The following KTN1 variants were observed in gnomAD, a reference collection of about 807,000 sequenced individuals.
The protein encoded by KTN1 is kinectin.
A neutral mutation model predicts 222.5 loss-of-function variants in KTN1; 130 were observed. That is an observed-to-expected ratio of 0.58 (90% CI 0.51 to 0.68). The LOEUF (loss-of-function observed/expected upper bound fraction) is 0.68. KTN1 is among the 30% of genes least tolerant of loss of function. The pLI, the probability that KTN1 is intolerant of heterozygous loss-of-function variation, is 0.00. For synonymous variants in KTN1, 512 were observed against 496.3 expected (o/e 1.03, Z -0.42); for missense variants, 1,508 against 1,500.4 (o/e 1.01, Z -0.08).
At chr14:55,667,367 T>G in intron 34 of KTN1, 37 bp downstream of exon 34, 3 of 1,266,258 alleles carry the variant, frequency 2.4e-6, no homozygotes, top group Non-Finnish European at 3.4e-6. Context: ...CATGATGACA[T>G]TATTCAAGAA....
At chr14:55,659,762 C>A in intron 31 of KTN1, 59 bp downstream of exon 31, 3 of 989,914 alleles carry the variant, frequency 3.0e-6, no homozygotes, top group South Asian at 2.7e-5. Context: ...TGTGGTAAAC[C>A]ATTCTCAAAT....
chr14:55,639,353 C>A, intron 13 of KTN1, 131 bp downstream of exon 13: 3 of 463,802 alleles, frequency 6.5e-6, no homozygotes, highest in Non-Finnish European at 7.6e-6. Flanking sequence ...AGATTTGGAG[C>A]AACTTTTGCT....
chr14:55,581,313 C>T (rs1170192830), intron 1 of KTN1, among the ~76,000 whole-genome samples: 2 of 152,212 alleles, frequency 1.3e-5, no homozygotes, highest in Admixed American at 1.3e-4. Flanking sequence ...GTAAGCTGTT[C>T]AGTGTTGGCC....
At position 55,608,782 on chromosome 14, in the gene KTN1, A is replaced by G. The variant is rs537619825; in HGVS notation, c.-30-3237A>G. Among the ~76,000 whole-genome samples the G allele has an allele frequency of 2.4e-3, 359 of 152,090 alleles. 1 individual carries two copies. Among genetic ancestry groups the G allele is most frequent in the South Asian group, 5.4e-3 (26 of 4,816 alleles). On this transcript the variant is annotated intron_variant, in intron 1 of 43. Transcript: ENST00000395314. ...GTAGCTGGGATTACAGGCGCGTACC[A>G]CCACGCCCGGCTGATTTTTGAATTT...
intron 43 of KTN1, 115 bp downstream of exon 43, chr14:55,679,800 C>G: frequency 1.9e-6 from 2 of 1,071,656 alleles, no homozygotes; most frequent in Non-Finnish European, 2.8e-6. Flanking sequence ...CTTTATCTCT[C>G]AGAACTTCCA....
chr14:55,651,814 A>ATTATAAAGAC, intron 24 of KTN1, 76 bp from the exon 25 acceptor site: 2 of 934,774 alleles, frequency 2.1e-6, no homozygotes, highest in South Asian at 3.0e-5. Context: ...AAGTGTACAC[A>ATTATAAAGAC]TTATAAAGAC....
At chr14:55,599,815 A>G (rs2035693724) in intron 1 of KTN1, among the ~76,000 whole-genome samples, 1 of 152,094 alleles carries the variant, frequency 6.6e-6, no homozygotes, top group South Asian at 2.1e-4. Context: ...GTACAATCTT[A>G]ATGGAGACTT....
intron 1 of KTN1, among the ~76,000 whole-genome samples, chr14:55,601,465 A>C (rs991983247): frequency 6.6e-6 from 1 of 152,098 alleles, no homozygotes; most frequent in Admixed American, 6.5e-5. Context: ...ATAATTGTAT[A>C]ATTGCGTTGT....
intron 1 of KTN1, among the ~76,000 whole-genome samples, chr14:55,597,985 T>G (rs1420231399): frequency 1.3e-5 from 2 of 152,144 alleles, no homozygotes; most frequent in Non-Finnish European, 2.9e-5. Context: ...TCTGTGAAAA[T>G]TTGTCCTAAT....
chr14:55,665,198 A>G (rs1037302997), intron 33 of KTN1, among the ~76,000 whole-genome samples: 6 of 152,056 alleles, frequency 3.9e-5, no homozygotes, highest in Middle Eastern at 6.8e-3. Context: ...AGTAGTTGCA[A>G]TTGTACAGTC....
At chr14:55,614,668 G>C (rs1372324074) in intron 2 of KTN1, among the ~76,000 whole-genome samples, 1 of 152,166 alleles carries the variant, frequency 6.6e-6, no homozygotes, top group African/African-American at 2.4e-5. Flanking sequence ...TTTATATGCA[G>C]CTACATTCAT....
chr14:55,608,092 A>G (rs2037007592), intron 1 of KTN1, among the ~76,000 whole-genome samples: 1 of 152,188 alleles, frequency 6.6e-6, no homozygotes, highest in Admixed American at 6.5e-5. Context: ...GGTTCTTATT[A>G]CCCAGAGCTA....
intron 24 of KTN1, among the ~76,000 whole-genome samples, chr14:55,650,899 GAAA>G: frequency 6.6e-6 from 1 of 152,176 alleles, no homozygotes; most frequent in African/African-American, 2.4e-5. Context: ...AATTACAAAT[GAAA>G]CACGAAACAG....
chr14:55,581,266 C>CCGGCTTT (rs1215887388), intron 1 of KTN1, among the ~76,000 whole-genome samples: 1 of 152,230 alleles, frequency 6.6e-6, no homozygotes, highest in Non-Finnish European at 1.5e-5. Flanking sequence ...GGCGTCCCAG[C>CCGGCTTT]CGGCCCCAGT....
rs774000802 is a variant in KTN1 at position 55,634,552 on chromosome 14, G to A, written c.1355G>A (p.Arg452His). The change falls in exon 9 of 44, where the codon CGC becomes CAC. Residue 452 changes from arginine (R) to histidine (H), a missense_variant. Arg to His is a conservative substitution (Grantham distance 29). Coordinates refer to ENST00000395314, the MANE Select transcript of KTN1 (RefSeq NM_001079521.2). ...SKQSAELNKL[R>H]QDYARLVNEL... The stretch of plus-strand genomic sequence containing the variant: ...CAGTCTGCAGAACTAAATAAACTAC[G>A]CCAGGATTATGCTAGGTTGGTGAAT... 8 of 1,613,272 alleles carry A rather than the reference G, an allele frequency of 5.0e-6. No individual in the cohort carries two copies. The highest frequency in any genetic ancestry group is 1.7e-5 in the Admixed American group (1 of 59,880).
chr14:55,639,805 G>T, intron 13 of KTN1, 108 bp from the exon 14 acceptor site: 2 of 700,902 alleles, frequency 2.9e-6, no homozygotes. Flanking sequence ...GAAATGGAAG[G>T]TATATGAGAA....
intron 31 of KTN1, among the ~76,000 whole-genome samples, chr14:55,660,271 G>A (rs563420376): frequency 1.3e-5 from 2 of 151,940 alleles, no homozygotes; most frequent in South Asian, 4.2e-4. Flanking sequence ...CCAGCTACTC[G>A]GGAGGCTGAA....
intron 43 of KTN1, chr14:55,682,069 A>G (rs763024699): frequency 3.3e-5 from 5 of 152,222 alleles, no homozygotes; most frequent in Non-Finnish European, 7.3e-5. Flanking sequence ...ATTGTTTATG[A>G]TAATGCTGCA....
chr14:55,618,435 G>GT (rs910040866), intron 4 of KTN1, among the ~76,000 whole-genome samples: 5 of 151,610 alleles, frequency 3.3e-5, no homozygotes, highest in Admixed American at 6.6e-5. Flanking sequence ...TTAATAGACT[G>GT]TTTTTTTTAG....
Sources: gnomAD v4.1 joint callset for allele counts (sites outside exome capture counted in the v4.1 genomes callset) on GRCh38, gnomAD v4.1.1 for gene constraint, MANE v1.5 for transcripts, NCBI Gene and HGNC (gene_info 2026-07-23, HGNC 2026-07-21) for gene names.